The following PTK2 variants were observed in gnomAD, a reference collection of about 807,000 sequenced individuals.
The protein encoded by PTK2 is focal adhesion kinase 1.
Under a neutral mutation model 150.1 loss-of-function variants are expected in PTK2, and 45 were observed. The ratio of observed to expected loss-of-function variants is 0.30; its 90% CI spans 0.24 to 0.38. The LOEUF (loss-of-function observed/expected upper bound fraction) is 0.38, where lower values mean the gene tolerates loss of function less well. PTK2 is among the 10% of genes least tolerant of loss of function. PTK2 has a pLI of 1.00. For missense variants in PTK2, 919 were observed against 1,307.3 expected (o/e 0.70, Z 4.58); for synonymous variants, 432 against 449.2 (o/e 0.96, Z 0.48).
At chr8:140,694,431 C>G (rs967702887) in intron 26 of PTK2, among the ~76,000 whole-genome samples, 3 of 152,020 alleles carry the variant, frequency 2.0e-5, no homozygotes, top group Non-Finnish European at 2.9e-5. Context: ...ATGTCTTTTT[C>G]TAGTCAATGA....
At chr8:140,882,250 A>G (rs2100149574) in intron 3 of PTK2, among the ~76,000 whole-genome samples, 1 of 152,202 alleles carries the variant, frequency 6.6e-6, no homozygotes, top group Non-Finnish European at 1.5e-5. Flanking sequence ...TCTGGTCTGG[A>G]TAACTCAACA....
intron 17 of PTK2, among the ~76,000 whole-genome samples, chr8:140,748,458 A>G (rs2100060794): frequency 1.4e-5 from 2 of 144,406 alleles, no homozygotes; most frequent in Admixed American, 7.2e-5. Context: ...GCGTCACTGC[A>G]CTCCATCCAG....
intron 4 of PTK2, among the ~76,000 whole-genome samples, chr8:140,866,869 TTAAG>T (rs1231519159): frequency 6.6e-6 from 1 of 152,146 alleles, no homozygotes; most frequent in Non-Finnish European, 1.5e-5. Context: ...TAACAAATGA[TTAAG>T]TATTATTTTT....
At chr8:140,854,931 T>C (rs531091053) in intron 5 of PTK2, among the ~76,000 whole-genome samples, 220 of 152,286 alleles carry the variant, frequency 1.4e-3, no homozygotes, top group African/African-American at 5.0e-3. Flanking sequence ...GTAGAAATAA[T>C]TTAAACATAA....
intron 1 of PTK2, among the ~76,000 whole-genome samples, chr8:140,951,295 C>T (rs539768618): frequency 1.3e-5 from 2 of 152,338 alleles, no homozygotes; most frequent in Admixed American, 6.5e-5. Flanking sequence ...CAAGAACCAA[C>T]TCCGCCAAAG....
intron 3 of PTK2, among the ~76,000 whole-genome samples, chr8:140,885,947 G>C (rs1442267731): frequency 6.6e-6 from 1 of 152,142 alleles, no homozygotes; most frequent in African/African-American, 2.4e-5. Flanking sequence ...GTTGTCAACA[G>C]ACTAAGGAGA....
rs372908717 is a variant in PTK2 at position 140,896,613 on chromosome 8, A to C, written c.-32-5844T>G. ...CGCAGCAAACTAGAAATAGGATGAG[A>C]TTTCATATATCTGACAAAGAGTATC... On this transcript the variant is annotated intron_variant, in intron 2 of 31. Coordinates refer to ENST00000522684, the Ensembl canonical transcript of PTK2. 2.0e-3 allele frequency among the ~76,000 whole-genome samples: 304 copies of C among 152,342 alleles called. 1 individual carries two copies. The highest frequency in any genetic ancestry group is 6.3e-3 in the African/African-American group (260 of 41,574).
At chr8:140,866,244 CCCAT>C (rs540655923) in intron 4 of PTK2, among the ~76,000 whole-genome samples, 207 of 152,248 alleles carry the variant, frequency 1.4e-3, no homozygotes, top group Non-Finnish European at 2.5e-3. Context: ...TAATGGGACT[CCCAT>C]TTTATTTATT....
intron 13 of PTK2, among the ~76,000 whole-genome samples, chr8:140,790,280 T>C (rs1014187900): frequency 1.3e-5 from 2 of 152,208 alleles, no homozygotes; most frequent in African/African-American, 4.8e-5. Flanking sequence ...TGAATATCTC[T>C]TATCCACAAT....
At chr8:140,986,184 G>A (rs750516907) in intron 1 of PTK2, among the ~76,000 whole-genome samples, 1 of 152,132 alleles carries the variant, frequency 6.6e-6, no homozygotes, top group Non-Finnish European at 1.5e-5. Context: ...ACTTGAAATG[G>A]GACTAGTGTA....
At chr8:140,839,351 C>T (rs939992017) in intron 7 of PTK2, among the ~76,000 whole-genome samples, 4 of 152,182 alleles carry the variant, frequency 2.6e-5, no homozygotes, top group South Asian at 2.1e-4. Flanking sequence ...AGTCTAGGGC[C>T]ACCAGCCTCT....
intron 1 of PTK2, among the ~76,000 whole-genome samples, chr8:140,951,467 G>T (rs1314851059): frequency 6.6e-6 from 1 of 152,186 alleles, no homozygotes; most frequent in Non-Finnish European, 1.5e-5. Context: ...CATCTGTCCA[G>T]AATTTGCGGT....
intron 1 of PTK2, among the ~76,000 whole-genome samples, chr8:140,929,976 G>A (rs1337734803): frequency 6.6e-6 from 1 of 151,980 alleles, no homozygotes; most frequent in Non-Finnish European, 1.5e-5. Flanking sequence ...CAAAATAATT[G>A]GACAGAGTCC....
chr8:140,793,381 C>T (rs767236561), exon 13 of PTK2: 4 of 1,609,886 alleles, frequency 2.5e-6, no homozygotes, highest in South Asian at 2.2e-5. Flanking sequence ...AGCCCGTTCA[C>T]CTTCTGCGGG....
chr8:140,988,098 C>T (rs1261544502), intron 1 of PTK2, among the ~76,000 whole-genome samples: 1 of 151,810 alleles, frequency 6.6e-6, no homozygotes, highest in East Asian at 1.9e-4. Flanking sequence ...TTCAGCCATT[C>T]CAGTCCTAGT....
At chr8:140,880,994 A>C (rs150546740) in intron 3 of PTK2, among the ~76,000 whole-genome samples, 1 of 152,296 alleles carries the variant, frequency 6.6e-6, no homozygotes, top group East Asian at 1.9e-4. Flanking sequence ...GGACAAAGGA[A>C]AGGAGTAAAC....
In PTK2 at chr8:140,820,076, G is replaced by GTTTTTTTTTTTTTTTTTTTTTTTTTTTT. The variant is rs370537018; in HGVS notation, c.649-1084_649-1057dup. On this transcript the variant is annotated intron_variant, in intron 8 of 31. Transcript: ENST00000522684. ...AGAGGAGTGACTTTATCTGACTTTG[G>GTTTTTTTTTTTTTTTTTTTTTTTTTTTT]TTTTTTTTTTTTTTTTTTTTTTTTT... 9.9e-5 allele frequency among the ~76,000 whole-genome samples: 5 copies of GTTTTTTTTTTTTTTTTTTTTTTTTTTTT among 50,254 alleles called. 1 individual carries two copies. Among genetic ancestry groups the GTTTTTTTTTTTTTTTTTTTTTTTTTTTT allele is most frequent in the Non-Finnish European group, 2.1e-4 (5 of 23,966 alleles). The allele number at this position is 50,254 out of a possible 152,430, so 33.0% of individuals were successfully genotyped here. A position where few individuals can be genotyped will look rare whatever the true frequency, so the allele number is the denominator to read the frequency against.
chr8:140,670,055 C>T (rs2094680781), intron 29 of PTK2: 1 of 293,590 alleles, frequency 3.4e-6, no homozygotes, highest in Non-Finnish European at 6.3e-6. Context: ...AGAATGAGAG[C>T]TCTTCAAAAA....
chr8:140,732,107 A>G (rs1201702889), intron 22 of PTK2, among the ~76,000 whole-genome samples: 1 of 152,236 alleles, frequency 6.6e-6, no homozygotes, highest in Admixed American at 6.5e-5. Context: ...CTTTGTTAAA[A>G]TCTTGGAAAT....
Sources: allele counts gnomAD v4.1 joint callset (sites outside exome capture counted in the v4.1 genomes callset), GRCh38; gene constraint gnomAD v4.1.1; transcripts MANE v1.5; gene names NCBI Gene and HGNC (gene_info 2026-07-23, HGNC 2026-07-21).